DLGAP1: variants seen among roughly 807,000 people sequenced by gnomAD.
The protein encoded by DLGAP1 is DLG associated protein 1.
In DLGAP1, 11 loss-of-function variants were observed where a neutral mutation model predicts 90.8. That is an observed-to-expected ratio of 0.12 (90% CI 0.08 to 0.20). DLGAP1 has a LOEUF of 0.20. Among genes scored for constraint, DLGAP1 ranks in the 10% least tolerant of loss-of-function variants. DLGAP1 has a pLI of 1.00. For synonymous variants in DLGAP1, 558 were observed against 540.7 expected (o/e 1.03, Z -0.44); for missense variants, 1,050 against 1,333.8 (o/e 0.79, Z 3.31).
chr18:3,771,736 C>T (rs1762598712), intron 5 of DLGAP1, among the ~76,000 whole-genome samples: 1 of 151,902 alleles, frequency 6.6e-6, no homozygotes, highest in African/African-American at 2.4e-5. Context: ...TCTCCTTCAA[C>T]GGATAAAAAA....
intron 9 of DLGAP1, among the ~76,000 whole-genome samples, chr18:3,543,058 G>A (rs1286206728): frequency 6.6e-6 from 1 of 151,856 alleles, no homozygotes; most frequent in African/African-American, 2.4e-5. Flanking sequence ...ACCAAAAAAT[G>A]TTATTGTTGT....
At chr18:4,377,665 A>G (rs1182284081) in intron 1 of DLGAP1, among the ~76,000 whole-genome samples, 1 of 152,154 alleles carries the variant, frequency 6.6e-6, no homozygotes, top group African/African-American at 2.4e-5. Context: ...AAAATACATA[A>G]TCCACACTAT....
At chr18:3,938,763 C>T (rs187262640) in intron 3 of DLGAP1, among the ~76,000 whole-genome samples, 1 of 152,052 alleles carries the variant, frequency 6.6e-6, no homozygotes, top group Non-Finnish European at 1.5e-5. Context: ...GGCCCATGGG[C>T]CATGGTGGGG....
Position 4,091,253 on chromosome 18 carries a change from G to GAAATA in DLGAP1, c.-159+59922_-159+59926dup, listed in dbSNP as rs552568394. Among the ~76,000 whole-genome samples the GAAATA allele has an allele frequency of 2.3e-3, 343 of 152,118 alleles. 9 individuals carry two copies. In the South Asian group the frequency reaches 0.042, roughly 19 times the overall value. On this transcript the variant is annotated intron_variant, in intron 2 of 12. Transcript: ENST00000315677. ...ATGTATCCCAGAAATAAAATGAAATGAAATAAAATAAAATAAAATTCTCAT... is the reference window on the plus strand; with the variant it reads ...ATGTATCCCAGAAATAAAATGAAATGAAATAAAATAAAATAAAATAAAATTCTCAT...
At chr18:3,781,353 T>G (rs895152037) in intron 5 of DLGAP1, among the ~76,000 whole-genome samples, 1 of 102,118 alleles carries the variant, frequency 9.8e-6, no homozygotes, top group African/African-American at 4.9e-5. Context: ...AGCTTTCAAT[T>G]TTTTTTTTTT....
intron 7 of DLGAP1, among the ~76,000 whole-genome samples, chr18:3,629,775 C>T (rs1450403196): frequency 6.6e-6 from 1 of 152,086 alleles, no homozygotes; most frequent in African/African-American, 2.4e-5. Context: ...ATTTAATTTA[C>T]TTATTTTGGA....
chr18:3,556,923 TTG>T (rs555643715), intron 9 of DLGAP1, among the ~76,000 whole-genome samples: 215 of 152,274 alleles, frequency 1.4e-3, no homozygotes, highest in Non-Finnish European at 2.6e-3. Context: ...TAAGAGTAAT[TTG>T]TGTCTTCTCT....
chr18:3,843,145 G>T (rs2068814982), intron 4 of DLGAP1, among the ~76,000 whole-genome samples: 1 of 152,162 alleles, frequency 6.6e-6, no homozygotes, highest in African/African-American at 2.4e-5. Context: ...GAAGGTGGGG[G>T]TGCTTCTTTC....
chr18:4,430,239 A>T (rs890695946), intron 1 of DLGAP1, among the ~76,000 whole-genome samples: 10 of 152,296 alleles, frequency 6.6e-5, no homozygotes, highest in African/African-American at 2.2e-4. Context: ...TCATAAGTAG[A>T]CATGGAAGTT....
chr18:4,043,860 G>T (rs561413928), intron 2 of DLGAP1, among the ~76,000 whole-genome samples: 237 of 152,290 alleles, frequency 1.6e-3, no homozygotes, highest in Non-Finnish European at 2.2e-3. Flanking sequence ...GGCACTTGGT[G>T]TTGAGATGCT....
chr18:4,417,266 T>C (rs2082921005), intron 1 of DLGAP1, among the ~76,000 whole-genome samples: 1 of 152,172 alleles, frequency 6.6e-6, no homozygotes, highest in Non-Finnish European at 1.5e-5. Flanking sequence ...AAACAATCAC[T>C]AAAATATTTA....
intron 1 of DLGAP1, among the ~76,000 whole-genome samples, chr18:4,304,887 C>T (rs1056683150): frequency 6.6e-6 from 1 of 151,086 alleles, no homozygotes; most frequent in African/African-American, 2.4e-5. Flanking sequence ...GCTGAGATTG[C>T]ACCACTGCAC....
intron 1 of DLGAP1, among the ~76,000 whole-genome samples, chr18:4,396,702 G>A (rs1333465441): frequency 6.6e-6 from 1 of 152,138 alleles, no homozygotes; most frequent in Non-Finnish European, 1.5e-5. Flanking sequence ...AAAAGGAAGA[G>A]CAAGAGAGAG....
At chr18:4,093,890 C>T (rs1361165295) in intron 2 of DLGAP1, among the ~76,000 whole-genome samples, 3 of 152,288 alleles carry the variant, frequency 2.0e-5, no homozygotes, top group African/African-American at 7.2e-5. Flanking sequence ...CTCCCTCACG[C>T]TTTTGACATG....
chr18:3,911,514 A>G lies in DLGAP1; in HGVS notation c.-72-31374T>C, dbSNP rs73374578. Among the ~76,000 whole-genome samples the G allele has an allele frequency of 4.5e-3, 692 of 152,326 alleles. 5 individuals are homozygous for G. The highest frequency in any genetic ancestry group is 0.016 in the African/African-American group (668 of 41,566). On this transcript the variant is annotated intron_variant, in intron 3 of 12. Coordinates refer to ENST00000315677, the MANE Select transcript of DLGAP1 (RefSeq NM_004746.4). ...TCAGTAGATGGATTAGAACATTTGG[A>G]ATAACTAGGAAGTTGTTTGCTCATT...
At chr18:3,970,096 T>C (rs977999020) in intron 3 of DLGAP1, among the ~76,000 whole-genome samples, 23 of 152,246 alleles carry the variant, frequency 1.5e-4, no homozygotes. Flanking sequence ...CAGAGCAACA[T>C]GAAGCAAACG....
At chr18:4,232,036 T>C (rs1270140010) in intron 1 of DLGAP1, among the ~76,000 whole-genome samples, 1 of 152,128 alleles carries the variant, frequency 6.6e-6, no homozygotes, top group Non-Finnish European at 1.5e-5. Flanking sequence ...TCATAATTAT[T>C]TGGAGTTTAC....
intron 7 of DLGAP1, among the ~76,000 whole-genome samples, chr18:3,652,874 C>G (rs867176833): frequency 1.3e-5 from 2 of 152,252 alleles, no homozygotes; most frequent in African/African-American, 4.8e-5. Context: ...CAGCCTGCCA[C>G]CACGGCTGGC....
At chr18:4,129,162 T>C (rs7407488) in intron 2 of DLGAP1, among the ~76,000 whole-genome samples, 52,221 of 151,958 alleles carry the variant, frequency 0.34, 9,515 homozygotes, top group African/African-American at 0.47. Context: ...GCTAAATTAG[T>C]GCTCACTGCA....
Sources: gnomAD v4.1 joint callset for allele counts (sites outside exome capture counted in the v4.1 genomes callset) on GRCh38, gnomAD v4.1.1 for gene constraint, MANE v1.5 for transcripts, NCBI Gene and HGNC (gene_info 2026-07-23, HGNC 2026-07-21) for gene names.